The following ADGRG2 variants were observed in gnomAD, a reference collection of about 807,000 sequenced individuals.
ADGRG2 encodes the protein adhesion G protein-coupled receptor G2.
In ADGRG2, 26 loss-of-function variants were observed where a neutral mutation model predicts 74.1. That is an observed-to-expected ratio of 0.35 (90% confidence interval 0.26 to 0.49). The LOEUF (loss-of-function observed/expected upper bound fraction) is 0.49, where lower values mean the gene tolerates loss of function less well. ADGRG2 is among the 20% of genes least tolerant of loss of function. The pLI is 0.99. For synonymous variants in ADGRG2, 296 were observed against 295.2 expected, an observed-to-expected ratio of 1.00 and a Z score of -0.03; for missense variants, 619 against 763.1, an observed-to-expected ratio of 0.81 and a Z score of 2.22.
chrX:19,035,574 G>A (rs911861308), intron 7 of ADGRG2: 2 of 125,933 alleles, frequency 1.6e-5, no homozygotes, highest in African/African-American at 6.3e-5. Flanking sequence ...ATACTGAATG[G>A]AAATAGACCA....
At chrX:19,100,799 A>C (rs2062174253) in intron 1 of ADGRG2, among the ~76,000 whole-genome samples, 1 of 113,152 alleles carries the variant, frequency 8.8e-6, no homozygotes, top group East Asian at 2.8e-4. Flanking sequence ...TGGACATACT[A>C]TTGGGAAAGG....
intron 3 of ADGRG2, among the ~76,000 whole-genome samples, chrX:19,064,758 A>T (rs906786052): frequency 8.9e-6 from 1 of 112,426 alleles, no homozygotes; most frequent in Non-Finnish European, 1.9e-5. Context: ...CAAGCTTTGG[A>T]GCCAGATGGC....
chrX:19,037,622 C>A lies in ADGRG2; in HGVS notation c.169G>T (p.Val57Phe). 2 of 1,138,058 alleles carry A rather than the reference C, an allele frequency of 1.8e-6. No homozygotes were observed. Among genetic ancestry groups the A allele is most frequent in the Non-Finnish European group, 2.3e-6 (2 of 851,421 alleles). The allele number at this position is 1,138,058 out of a possible 1,213,427, so 93.8% of individuals were successfully genotyped here. A position where few individuals can be genotyped will look rare whatever the true frequency, so the allele number is the denominator to read the frequency against. Reference protein sequence around the residue: ...LSPPPAKLSVVSFAPSSNGTP... With the variant: ...LSPPPAKLSVFSFAPSSNGTP... Reference sequence around the variant, plus strand: ...CCATTGGAGGAGGGGGCAAAACTGACAACAGATAATTTAGCTGCAGGAGAA... The same window carrying A: ...CCATTGGAGGAGGGGGCAAAACTGAAAACAGATAATTTAGCTGCAGGAGAA... Residue 57 changes from valine (V) to phenylalanine (F), a missense_variant, in exon 5 of 29, where the codon GTC (valine) becomes TTC (phenylalanine). Coordinates refer to ENST00000379869, the MANE Select transcript of ADGRG2 (RefSeq NM_001079858.3).
intron 1 of ADGRG2, among the ~76,000 whole-genome samples, chrX:19,118,480 G>A (rs761928610): frequency 9.8e-5 from 11 of 112,015 alleles, no homozygotes; most frequent in African/African-American, 1.3e-4. Flanking sequence ...CAAAATCCCC[G>A]GCTGAAGAGA....
chrX:19,085,532 T>A (rs1027683325), intron 1 of ADGRG2, among the ~76,000 whole-genome samples: 2 of 110,825 alleles, frequency 1.8e-5, no homozygotes, highest in African/African-American at 6.6e-5. Flanking sequence ...TCTCACCATG[T>A]TGCCCAGGCT....
At chrX:19,070,888 A>G (rs1351795467) in intron 2 of ADGRG2, among the ~76,000 whole-genome samples, 3 of 112,043 alleles carry the variant, frequency 2.7e-5, no homozygotes, top group Non-Finnish European at 5.6e-5. Flanking sequence ...CCCACCTGAT[A>G]GTGCTGTTGC....
rs757561701 is a variant in ADGRG2 at position 19,007,334 on chromosome X, A to C, written c.1590T>G (p.Ser530=). Residue 530 remains serine (S), a synonymous_variant, in exon 20 of 29, where the codon TCT becomes TCG. Coordinates refer to ENST00000379869, the MANE Select transcript of ADGRG2 (RefSeq NM_001079858.3). ...TCGATGATATGACGTAGCTGATCAGAGAGAGGTTCTCCAGGGAAGGATCCT... is the reference window on the plus strand; with the variant it reads ...TCGATGATATGACGTAGCTGATCAGCGAGAGGTTCTCCAGGGAAGGATCCT... ...LFQDPSLENL[S]LISYVISSSV... is the part of the protein sequence containing the mutation. 3.3e-6 allele frequency: 4 copies of C among 1,206,760 alleles called. No individual in the cohort carries two copies. Among genetic ancestry groups the C allele is most frequent in the Non-Finnish European group, 4.5e-6 (4 of 892,148 alleles).
In ADGRG2 at chrX:19,040,328, C is replaced by T. The variant is rs901293191; in HGVS notation, c.119-104G>A. 6.1e-6 allele frequency: 3 copies of T among 493,750 alleles called. No individual in the cohort carries two copies. In the African/African-American group the frequency reaches 7.3e-5, roughly 12 times the overall value. The allele number at this position is 493,750 out of a possible 1,213,427, so 40.7% of individuals were successfully genotyped here. On this transcript the variant is annotated intron_variant, in intron 3 of 28. Transcript: ENST00000379869. ...TTGTCAAATAAGTAGGTTTCAGCTA[C>T]TCATGTCACTAAAAAAAAGTATGTG...
At chrX:19,039,376 C>T in intron 4 of ADGRG2, 1 of 318,004 alleles carries the variant, frequency 3.1e-6, no homozygotes, top group Non-Finnish European at 6.1e-6. Flanking sequence ...AGAAGTATAG[C>T]TATTGTGATT....
chrX:19,114,508 G>C (rs1247507678), intron 1 of ADGRG2, among the ~76,000 whole-genome samples: 2 of 111,034 alleles, frequency 1.8e-5, no homozygotes, highest in Non-Finnish European at 3.8e-5. Context: ...CAGAACCACT[G>C]TGCCACGGCA....
intron 15 of ADGRG2, among the ~76,000 whole-genome samples, chrX:19,019,117 T>A (rs1319583302): frequency 8.9e-6 from 1 of 112,135 alleles, no homozygotes; most frequent in Non-Finnish European, 1.9e-5. Context: ...AGTGCTGGGA[T>A]TACAGGCGTA....
At chrX:19,053,397 G>C (rs1431809205) in intron 3 of ADGRG2, among the ~76,000 whole-genome samples, 3 of 110,756 alleles carry the variant, frequency 2.7e-5, no homozygotes, top group Non-Finnish European at 3.8e-5. Context: ...GAAGAAACAG[G>C]AATCGGCCTG....
intron 20 of ADGRG2, 107 bp downstream of exon 20, chrX:19,007,128 C>T: frequency 1.3e-6 from 1 of 795,919 alleles, no homozygotes; most frequent in South Asian, 2.3e-5. Flanking sequence ...TCCAGCTGAG[C>T]TGAAGGTTCT....
intron 3 of ADGRG2, among the ~76,000 whole-genome samples, chrX:19,045,934 G>C (rs1034945400): frequency 8.9e-6 from 1 of 111,966 alleles, no homozygotes; most frequent in Non-Finnish European, 1.9e-5. Context: ...GCCCAGGCTG[G>C]AGTGCAGTGG....
At chrX:19,060,709 G>A (rs762414043) in intron 3 of ADGRG2, among the ~76,000 whole-genome samples, 12 of 109,914 alleles carry the variant, frequency 1.1e-4, no homozygotes, top group Admixed American at 1.9e-4. Flanking sequence ...CACCACACTC[G>A]GCTAATTTTT....
chrX:19,007,170 C>G, intron 20 of ADGRG2, 65 bp downstream of exon 20: 3 of 1,148,998 alleles, frequency 2.6e-6, no homozygotes, highest in Non-Finnish European at 3.6e-6. Flanking sequence ...CCGGCCATGC[C>G]TTACAAGCAT....
rs193067112 is a variant in ADGRG2, at chrX:19,040,067, A to G, written c.154+122T>C. The G allele has an allele frequency of 6.2e-4, 315 of 507,061 alleles. 1 individual carries two copies. In the African/African-American group the frequency reaches 6.3e-3, roughly 10 times the overall value. 41.8% of individuals were successfully genotyped at this position (507,061 alleles called of 1,213,427 possible). A position where few individuals can be genotyped will look rare whatever the true frequency, so the allele number is the denominator to read the frequency against. On this transcript the variant is annotated intron_variant, in intron 4 of 28. Coordinates refer to ENST00000379869, the MANE Select transcript of ADGRG2 (RefSeq NM_001079858.3). ...TGATTTTTCAGGTGTAGGCTTAATGACCTAATTAAGCTTCTTGGAGGAAAA... is the reference window on the plus strand; with the variant it reads ...TGATTTTTCAGGTGTAGGCTTAATGGCCTAATTAAGCTTCTTGGAGGAAAA...
intron 8 of ADGRG2, chrX:19,031,452 C>G (rs1434393842): frequency 8.4e-6 from 1 of 118,988 alleles, no homozygotes; most frequent in Non-Finnish European, 1.7e-5. Context: ...AATCCTAGCT[C>G]TTTATGCAAA....
intron 16 of ADGRG2, among the ~76,000 whole-genome samples, chrX:19,011,567 C>T (rs1269784548): frequency 4.5e-5 from 5 of 111,914 alleles, no homozygotes; most frequent in South Asian, 3.7e-4. Flanking sequence ...GGGCTGGGCA[C>T]GGTGGCTCGC....
Sources: allele counts gnomAD v4.1 joint callset (sites outside exome capture counted in the v4.1 genomes callset), GRCh38; gene constraint gnomAD v4.1.1; transcripts MANE v1.5; gene names NCBI Gene and HGNC (gene_info 2026-07-23, HGNC 2026-07-21).